The following NR4A1 variants were observed in gnomAD, a reference collection of about 807,000 sequenced individuals.
NR4A1 encodes nuclear receptor subfamily 4 group A member 1.
Under a neutral mutation model 47.5 loss-of-function variants are expected in NR4A1, and 24 were observed. The observed-to-expected ratio is 0.50, with a 90% CI of 0.37 to 0.71. NR4A1 has a LOEUF of 0.71. NR4A1 is among the 30% of genes least tolerant of loss of function. The pLI is 0.00. For missense variants in NR4A1, 669 were observed against 788.6 expected (o/e 0.85, Z 1.82); for synonymous variants, 353 against 345.7 (o/e 1.02, Z -0.24).
At chr12:52,024,033 T>C (rs1049208417) in intron 1 of NR4A1, among the ~76,000 whole-genome samples, 2 of 152,244 alleles carry the variant, frequency 1.3e-5, no homozygotes, top group African/African-American at 4.8e-5. Context: ...ACGGGCTATC[T>C]GAGGGAGAGT....
At chr12:52,055,775 A>G in intron 2 of NR4A1, 1 of 323,246 alleles carries the variant, frequency 3.1e-6, no homozygotes, top group Non-Finnish European at 5.6e-6. Flanking sequence ...ACTGCCAGGG[A>G]GACCCTGGCC....
At chr12:52,053,946 A>T (rs890095209) in intron 1 of NR4A1, 1 of 218,786 alleles carries the variant, frequency 4.6e-6, no homozygotes, top group Non-Finnish European at 9.0e-6. Flanking sequence ...TCTCCCACTC[A>T]CCCTTCTCCC....
At chr12:52,026,722 A>G (rs567167784) in intron 1 of NR4A1, among the ~76,000 whole-genome samples, 9 of 152,292 alleles carry the variant, frequency 5.9e-5, no homozygotes, top group African/African-American at 1.7e-4. Context: ...CAAACAAGCA[A>G]CTGAGGCTTA....
chr12:52,055,860 C>A lies in NR4A1; in HGVS notation c.877-170C>A, dbSNP rs893500308. 5 of 450,086 alleles carry A rather than the reference C, an allele frequency of 1.1e-5. No homozygotes were observed. The highest frequency in any genetic ancestry group is 3.9e-5 in the East Asian group (1 of 25,602). The allele number at this position is 450,086 out of a possible 1,614,324, so 27.9% of individuals were successfully genotyped here. On this transcript the variant is annotated intron_variant, in intron 2 of 6. Coordinates refer to ENST00000394825, the MANE Select transcript of NR4A1 (RefSeq NM_173157.3). ...TGTCTTCAAGACTTTTCTCTCCCCCCGCCCAACCCCGTCTCTCCCTCCCTT... is the reference window on the plus strand; with the variant it reads ...TGTCTTCAAGACTTTTCTCTCCCCCAGCCCAACCCCGTCTCTCCCTCCCTT...
intron 1 of NR4A1, among the ~76,000 whole-genome samples, chr12:52,039,257 T>C (rs934510824): frequency 6.6e-6 from 1 of 152,228 alleles, no homozygotes; most frequent in Non-Finnish European, 1.5e-5. Context: ...ATAATAGTAA[T>C]ATGCCCACTT....
chr12:52,030,573 C>T (rs1250177202), intron 1 of NR4A1, among the ~76,000 whole-genome samples: 1 of 152,176 alleles, frequency 6.6e-6, no homozygotes, highest in African/African-American at 2.4e-5. Flanking sequence ...GGATTACAGG[C>T]ATAGGCCACC....
intron 2 of NR4A1, chr12:52,055,548 C>T (rs1939216766): frequency 9.4e-6 from 5 of 532,966 alleles, no homozygotes; most frequent in South Asian, 8.7e-5. Flanking sequence ...AAGGGGTGCC[C>T]CCAGGCTCTC....
chr12:52,043,950 G>A (rs1254983818), intron 2 of NR4A1: 2 of 1,286,278 alleles, frequency 1.6e-6, no homozygotes, highest in South Asian at 2.5e-5. Context: ...ATGGGAGCTG[G>A]GCTGTTTGGA....
upstream of NR4A1, among the ~76,000 whole-genome samples, chr12:52,051,035 C>T (rs184050695): frequency 5.4e-4 from 82 of 152,278 alleles, no homozygotes; most frequent in East Asian, 0.014. Flanking sequence ...GGCCGCGTCT[C>T]TACAGCGCCC....
At chr12:52,040,366 A>G (rs1471473713) in intron 1 of NR4A1, among the ~76,000 whole-genome samples, 2 of 152,094 alleles carry the variant, frequency 1.3e-5, no homozygotes, top group Non-Finnish European at 2.9e-5. Flanking sequence ...GTTGGGCCTG[A>G]CTATGGTAGG....
chr12:52,040,094 G>T (rs539892167), intron 1 of NR4A1, among the ~76,000 whole-genome samples: 110 of 152,224 alleles, frequency 7.2e-4, no homozygotes, highest in African/African-American at 2.6e-3. Context: ...CTTGACCTTG[G>T]TTCATCCCTT....
chr12:52,042,074 T>C, intron 2 of NR4A1: 1 of 958,156 alleles, frequency 1.0e-6, no homozygotes, highest in Non-Finnish European at 1.4e-6. Context: ...TGCTGTTCAG[T>C]GTGCGGGATC....
chr12:52,058,611 T>C, intron 6 of NR4A1, 77 bp from the exon 7 acceptor site: 1 of 1,454,592 alleles, frequency 6.9e-7, no homozygotes, highest in Admixed American at 2.6e-5. Context: ...GGGCAGCAGT[T>C]TTAGGGGCCT....
intron 1 of NR4A1, among the ~76,000 whole-genome samples, chr12:52,039,950 G>A (rs1319433121): frequency 2.0e-5 from 3 of 152,304 alleles, no homozygotes; most frequent in Non-Finnish European, 4.4e-5. Context: ...TGAGTGGCTG[G>A]GAAATGAGGT....
At chr12:52,033,126 T>G (rs1318478890) in intron 1 of NR4A1, among the ~76,000 whole-genome samples, 6 of 152,186 alleles carry the variant, frequency 3.9e-5, no homozygotes, top group Non-Finnish European at 7.3e-5. Context: ...CTGGACCTGC[T>G]GCGGCTCCCT....
chr12:52,055,854 T>TG, intron 2 of NR4A1, 176 bp from the exon 3 acceptor site: 1 of 450,334 alleles, frequency 2.2e-6, no homozygotes, highest in Non-Finnish European at 3.9e-6. Flanking sequence ...GACTTTTCTC[T>TG]CCCCCCGCCC....
intron 2 of NR4A1, 163 bp from the exon 3 acceptor site, chr12:52,055,867 C>A: frequency 4.8e-6 from 2 of 421,044 alleles, no homozygotes; most frequent in Admixed American, 4.1e-5. Flanking sequence ...CCCCGCCCAA[C>A]CCCGTCTCTC....
intron 2 of NR4A1, among the ~76,000 whole-genome samples, chr12:52,043,018 G>GA (rs1938496211): frequency 6.6e-6 from 1 of 152,176 alleles, no homozygotes; most frequent in Non-Finnish European, 1.5e-5. Context: ...GAGAGCCCCA[G>GA]AGAGGTGGCT....
chr12:52,057,344 C>T lies in NR4A1; in HGVS notation c.1362-8C>T, dbSNP rs769628706. ...CCTGATCGCTCTTCGTGCCCATCTG[C>T]CTGCCAGGTCTAAGCCAGGCGAGGG... On this transcript the variant is annotated splice_region_variant and splice_polypyrimidine_tract_variant and intron_variant, in intron 5 of 6. Transcript: ENST00000394825. 6.2e-7 allele frequency: 1 copy of T among 1,614,156 alleles called. No individual in the cohort carries two copies. The highest frequency in any genetic ancestry group is 8.5e-7 in the Non-Finnish European group (1 of 1,180,012).
Sources: gnomAD v4.1 joint callset for allele counts (sites outside exome capture counted in the v4.1 genomes callset) on GRCh38, gnomAD v4.1.1 for gene constraint, MANE v1.5 for transcripts, NCBI Gene and HGNC (gene_info 2026-07-23, HGNC 2026-07-21) for gene names.